TENM3: variants seen among roughly 807,000 people sequenced by gnomAD.
The protein encoded by TENM3 is teneurin transmembrane protein 3.
Under a neutral mutation model 255.1 loss-of-function variants are expected in TENM3, and 63 were observed. The observed-to-expected ratio is 0.25, with a 90% CI of 0.20 to 0.30. TENM3 has a LOEUF of 0.30. TENM3 is among the 10% of genes least tolerant of loss of function. The pLI is 1.00. For synonymous variants in TENM3, 1,306 were observed against 1,322.3 expected (o/e 0.99, Z 0.27); for missense variants, 2,929 against 3,461.1 (o/e 0.85, Z 3.86).
the TENM3 span, among the ~76,000 whole-genome samples, chr4:182,137,333 T>TC: frequency 0.09 from 9,009 of 100,290 alleles, 453 homozygotes; most frequent in African/African-American, 0.21. Context: ...CTCTGCCACC[T>TC]CCCCCCCCCC....
chr4:181,801,424 C>T, the TENM3 span, among the ~76,000 whole-genome samples: 3 of 152,062 alleles, frequency 2.0e-5, no homozygotes. Context: ...TTTTCAAGCA[C>T]CGGTCTAAAA....
At chr4:181,644,633 C>G in the TENM3 span, among the ~76,000 whole-genome samples, 2 of 152,142 alleles carry the variant, frequency 1.3e-5, no homozygotes, top group African/African-American at 4.8e-5. Context: ...TTTGTGACCC[C>G]TGCCTCCAAT....
the TENM3 span, among the ~76,000 whole-genome samples, chr4:182,111,189 CTTTT>C: frequency 1.8e-3 from 148 of 80,536 alleles, no homozygotes; most frequent in African/African-American, 7.1e-3. Flanking sequence ...GTCTTCTTCT[CTTTT>C]TTTTTTTTTT....
the TENM3 span, among the ~76,000 whole-genome samples, chr4:181,724,067 T>C: frequency 6.6e-6 from 1 of 152,224 alleles, no homozygotes; most frequent in South Asian, 2.1e-4. Flanking sequence ...ATGTAAAATG[T>C]GGGATGCTTC....
Position 182,199,185 on chromosome 4 carries a change from C to T in TENM3, c.-76+54431C>T, listed in dbSNP as rs146061072. 1.7e-3 allele frequency among the ~76,000 whole-genome samples: 252 copies of T among 152,150 alleles called. 1 individual carries two copies. The highest frequency in any genetic ancestry group is 2.8e-3 in the Non-Finnish European group (191 of 67,998). ...TGAAGAATCATTGCACATTTCAGGC[C>T]GGGCACGGTGGCTCACTCCTATAAC... On this transcript the variant is annotated intron_variant, in intron 1 of 2. Coordinates refer to the TENM3 transcript ENST00000512480.
chr4:182,708,764 C>G (rs1156966750), intron 12 of TENM3, among the ~76,000 whole-genome samples: 1 of 149,650 alleles, frequency 6.7e-6, no homozygotes, highest in Admixed American at 6.7e-5. Flanking sequence ...CGCCACTGTA[C>G]TCCAGCCTGG....
At chr4:181,556,040 A>G in the TENM3 span, among the ~76,000 whole-genome samples, 1 of 152,162 alleles carries the variant, frequency 6.6e-6, no homozygotes, top group Admixed American at 6.5e-5. Context: ...CCAGGTTTTC[A>G]TGTGTTTACT....
At chr4:181,902,742 C>T in the TENM3 span, among the ~76,000 whole-genome samples, 1 of 151,710 alleles carries the variant, frequency 6.6e-6, no homozygotes, top group Non-Finnish European at 1.5e-5. Flanking sequence ...GGGAGGGGAA[C>T]ATTACATACC....
the TENM3 span, among the ~76,000 whole-genome samples, chr4:181,591,493 T>A: frequency 2.6e-5 from 4 of 152,274 alleles, no homozygotes; most frequent in South Asian, 8.3e-4. Context: ...AGTAAATGAA[T>A]GGATAAACAA....
the TENM3 span, among the ~76,000 whole-genome samples, chr4:181,758,541 C>A: frequency 6.6e-6 from 1 of 152,098 alleles, no homozygotes; most frequent in Admixed American, 6.5e-5. Flanking sequence ...TGAGGTTTTC[C>A]GAAGGGCTTA....
intron 1 of TENM3, among the ~76,000 whole-genome samples, chr4:182,298,193 C>T (rs1219469155): frequency 6.6e-6 from 1 of 152,138 alleles, no homozygotes; most frequent in Non-Finnish European, 1.5e-5. Flanking sequence ...TGTCTGTTTC[C>T]CCCACTGAAC....
chr4:181,691,923 G>T, the TENM3 span, among the ~76,000 whole-genome samples: 3 of 152,076 alleles, frequency 2.0e-5, no homozygotes, highest in South Asian at 4.1e-4. Context: ...TATAATTATT[G>T]CTGCCTAGTC....
chr4:182,610,621 TGCAATGAGCTATGATC>T (rs1748897269), intron 4 of TENM3, among the ~76,000 whole-genome samples: 1 of 152,114 alleles, frequency 6.6e-6, no homozygotes, highest in Non-Finnish European at 1.5e-5. Context: ...AGCTCCAGGC[TGCAATGAGCTATGATC>T]GCACCACTGT....
At chr4:182,260,553 G>A (rs1277960787) in intron 1 of TENM3, among the ~76,000 whole-genome samples, 4 of 151,980 alleles carry the variant, frequency 2.6e-5, no homozygotes, top group Non-Finnish European at 5.9e-5. Flanking sequence ...ATACAGTTGG[G>A]GACAGTCTGT....
rs140020623 is a variant in TENM3 at position 182,644,255 on chromosome 4, A to G, written c.989-9516A>G. On this transcript the variant is annotated intron_variant, in intron 5 of 27. Transcript: ENST00000511685. Reference sequence around the variant, plus strand: ...ATTTTTGGCAGGATCTGGGGACTCAAGCATGCCAGTAGAAATAATAGTAGC... The same window carrying G: ...ATTTTTGGCAGGATCTGGGGACTCAGGCATGCCAGTAGAAATAATAGTAGC... 2.7e-3 allele frequency among the ~76,000 whole-genome samples: 413 copies of G among 152,326 alleles called. 2 individuals are homozygous for G. The highest frequency in any genetic ancestry group is 4.9e-3 in the Non-Finnish European group (334 of 68,032).
At chr4:181,460,999 T>C in the TENM3 span, among the ~76,000 whole-genome samples, 10 of 151,922 alleles carry the variant, frequency 6.6e-5, no homozygotes, top group African/African-American at 2.4e-4. Context: ...TTTCTGACTT[T>C]ATGATTTTCC....
intron 5 of TENM3, among the ~76,000 whole-genome samples, chr4:182,632,895 C>T (rs1046539479): frequency 6.6e-6 from 1 of 151,896 alleles, no homozygotes; most frequent in Non-Finnish European, 1.5e-5. Flanking sequence ...TCATGCCATA[C>T]TTATCTAATC....
At chr4:181,495,697 C>T in the TENM3 span, among the ~76,000 whole-genome samples, 1 of 151,596 alleles carries the variant, frequency 6.6e-6, no homozygotes, top group African/African-American at 2.4e-5. Flanking sequence ...GTGTGTATGC[C>T]CCTGTGTGCA....
the TENM3 span, among the ~76,000 whole-genome samples, chr4:181,685,113 A>G: frequency 6.6e-6 from 1 of 152,008 alleles, no homozygotes; most frequent in Admixed American, 6.6e-5. Flanking sequence ...ACATCTAAAA[A>G]GATGCCAGGA....
Sources: gnomAD v4.1 joint callset for allele counts (sites outside exome capture counted in the v4.1 genomes callset) on GRCh38, gnomAD v4.1.1 for gene constraint, MANE v1.5 for transcripts, NCBI Gene and HGNC (gene_info 2026-07-23, HGNC 2026-07-21) for gene names.